The following RNF13 variants were observed in gnomAD, a reference collection of about 807,000 sequenced individuals.
RNF13 encodes ring finger protein 13.
In RNF13, 19 loss-of-function variants were observed where a neutral mutation model predicts 37.7. The observed-to-expected ratio is 0.50, with a 90% CI of 0.35 to 0.74. RNF13 has a LOEUF of 0.74. Among genes scored for constraint, RNF13 ranks in the 30% least tolerant of loss-of-function variants. The pLI is 0.01. For synonymous variants in RNF13, 144 were observed against 157.8 expected (o/e 0.91, Z 0.65); for missense variants, 375 against 453.0 (o/e 0.83, Z 1.56).
At chr3:149,930,934 A>G (rs1719096900) in intron 8 of RNF13, among the ~76,000 whole-genome samples, 1 of 152,074 alleles carries the variant, frequency 6.6e-6, no homozygotes, top group South Asian at 2.1e-4. Flanking sequence ...GATATTAATA[A>G]TTTGTGTCTT....
chr3:149,927,618 A>G (rs1412333161), intron 8 of RNF13, among the ~76,000 whole-genome samples: 1 of 152,186 alleles, frequency 6.6e-6, no homozygotes, highest in Admixed American at 6.6e-5. Context: ...CATCCTTGTC[A>G]ACACTTGTAT....
intron 1 of RNF13, among the ~76,000 whole-genome samples, chr3:149,823,778 T>G (rs547058701): frequency 6.6e-6 from 1 of 152,316 alleles, no homozygotes; most frequent in East Asian, 1.9e-4. Flanking sequence ...ATACAAGTGA[T>G]TACTTTGAAC....
intron 1 of RNF13, chr3:149,817,187 A>C (rs998396122): frequency 1.3e-5 from 2 of 152,066 alleles, no homozygotes; most frequent in Non-Finnish European, 2.9e-5. Context: ...AAAAGTAACC[A>C]CTCCTCTGTG....
At chr3:149,831,482 C>G (rs2076962971) in intron 1 of RNF13, among the ~76,000 whole-genome samples, 1 of 152,166 alleles carries the variant, frequency 6.6e-6, no homozygotes, top group African/African-American at 2.4e-5. Context: ...TCTGCATGGA[C>G]TCTGTACCCC....
At chr3:149,823,689 T>G (rs1720216336) in intron 1 of RNF13, among the ~76,000 whole-genome samples, 1 of 152,252 alleles carries the variant, frequency 6.6e-6, no homozygotes, top group Non-Finnish European at 1.5e-5. Context: ...AACATAGTGG[T>G]TATGAAGAGT....
At chr3:149,903,872 G>C (rs1031191621) in intron 6 of RNF13, among the ~76,000 whole-genome samples, 2 of 151,912 alleles carry the variant, frequency 1.3e-5, no homozygotes, top group Admixed American at 6.6e-5. Flanking sequence ...TTTTAGAATT[G>C]GTCATAAGGA....
chr3:149,822,910 A>G (rs1720123413), intron 1 of RNF13, among the ~76,000 whole-genome samples: 1 of 152,172 alleles, frequency 6.6e-6, no homozygotes, highest in African/African-American at 2.4e-5. Context: ...TATGTAAATT[A>G]CCATTAATAT....
intron 8 of RNF13, among the ~76,000 whole-genome samples, chr3:149,941,832 G>C (rs1040004867): frequency 6.6e-6 from 1 of 150,862 alleles, no homozygotes; most frequent in Non-Finnish European, 1.5e-5. Flanking sequence ...CTTACATTTA[G>C]GTCTTTAATC....
At position 149,818,133 on chromosome 3, in the gene RNF13, A is replaced by G. The variant is rs553099199; in HGVS notation, c.-17+4780A>G. Among the ~76,000 whole-genome samples, 13 of 152,344 alleles carry G rather than the reference A, an allele frequency of 8.5e-5. No individual in the cohort carries two copies. In the South Asian group the frequency reaches 2.7e-3, roughly 32 times the overall value. On this transcript the variant is annotated intron_variant, in intron 1 of 9. Coordinates refer to ENST00000392894, the MANE Select transcript of RNF13 (RefSeq NM_183381.3). ...TTTTCTTGTCATACCATTTTTGGAA[A>G]CATTACTTGGATCCTACTACTTAGG...
intron 4 of RNF13, among the ~76,000 whole-genome samples, chr3:149,877,472 C>CTTTTTTTTTTTTTTTTT (rs369676407): frequency 4.5e-4 from 46 of 101,482 alleles, no homozygotes; most frequent in Non-Finnish European, 6.7e-4. Flanking sequence ...TTCTTTCTGT[C>CTTTTTTTTTTTTTTTTT]TTTTTTTTTT....
intron 8 of RNF13, among the ~76,000 whole-genome samples, chr3:149,940,943 C>A (rs1454873396): frequency 6.6e-6 from 1 of 152,146 alleles, no homozygotes; most frequent in Non-Finnish European, 1.5e-5. Context: ...TGGACTGATA[C>A]AGTATTTGTC....
chr3:149,870,516 A>G (rs957272053), intron 3 of RNF13, among the ~76,000 whole-genome samples: 3 of 151,982 alleles, frequency 2.0e-5, no homozygotes, highest in East Asian at 1.9e-4. Context: ...AAGCCAACCT[A>G]TATGGCTTGA....
rs531862310 is a variant in RNF13 at position 149,958,990 on chromosome 3, A to C, written c.701-1066A>C. Among the ~76,000 whole-genome samples the C allele has an allele frequency of 1.4e-3, 213 of 152,280 alleles. 1 individual carries two copies. The highest frequency in any genetic ancestry group is 2.3e-3 in the Admixed American group (35 of 15,300). On this transcript the variant is annotated intron_variant, in intron 8 of 9. Coordinates refer to ENST00000392894, the MANE Select transcript of RNF13 (RefSeq NM_183381.3). Reference sequence around the variant, plus strand: ...GGATTGTTTCAGAAGAACTATCAGCACCTTTTTTATGTGTCATGTTCATCC... The same window carrying C: ...GGATTGTTTCAGAAGAACTATCAGCCCCTTTTTTATGTGTCATGTTCATCC...
intron 9 of RNF13, 36 bp downstream of exon 9, chr3:149,960,172 T>C (rs1216198281): frequency 3.0e-6 from 4 of 1,321,420 alleles, no homozygotes; most frequent in Non-Finnish European, 4.4e-6. Flanking sequence ...AATTTACATA[T>C]AGTAATTTAT....
chr3:149,856,633 G>A (rs1482506494), intron 3 of RNF13, among the ~76,000 whole-genome samples: 1 of 151,910 alleles, frequency 6.6e-6, no homozygotes, highest in Non-Finnish European at 1.5e-5. Context: ...TTTAGGAATG[G>A]AATCTTGCTA....
intron 3 of RNF13, among the ~76,000 whole-genome samples, chr3:149,853,705 A>G (rs73009635): frequency 0.028 from 4,265 of 150,706 alleles, 191 homozygotes; most frequent in African/African-American, 0.097. Flanking sequence ...TTTTTCCTCT[A>G]CCTCTGGGGG....
intron 3 of RNF13, among the ~76,000 whole-genome samples, chr3:149,859,442 G>T (rs1723995595): frequency 6.6e-6 from 1 of 152,120 alleles, no homozygotes; most frequent in African/African-American, 2.4e-5. Flanking sequence ...ATTTGATTTA[G>T]AAAATAATTG....
intron 4 of RNF13, among the ~76,000 whole-genome samples, chr3:149,895,069 A>T (rs1350137331): frequency 6.6e-6 from 1 of 152,198 alleles, no homozygotes. Context: ...ATTTTGGATG[A>T]TCAAGCTAGT....
intron 2 of RNF13, among the ~76,000 whole-genome samples, chr3:149,846,779 T>C (rs1722678599): frequency 6.6e-6 from 1 of 152,230 alleles, no homozygotes; most frequent in African/African-American, 2.4e-5. Flanking sequence ...CTAGTACATC[T>C]CTTAATGACT....
Sources: gnomAD v4.1 joint callset for allele counts (sites outside exome capture counted in the v4.1 genomes callset) on GRCh38, gnomAD v4.1.1 for gene constraint, MANE v1.5 for transcripts, NCBI Gene and HGNC (gene_info 2026-07-23, HGNC 2026-07-21) for gene names.